SLC25A21: variants seen among roughly 807,000 people sequenced by gnomAD.
The protein encoded by SLC25A21 is solute carrier family 25 member 21.
Under a neutral mutation model 43.8 loss-of-function variants are expected in SLC25A21, and 47 were observed. The ratio of observed to expected loss-of-function variants is 1.07; its 90% confidence interval spans 0.85 to 1.37. The LOEUF is 1.37. Among genes scored for constraint, SLC25A21 ranks in the 40% most tolerant of loss-of-function variants. The pLI, the probability that SLC25A21 is intolerant of heterozygous loss-of-function variation, is 0.00. For synonymous variants in SLC25A21, 131 were observed against 121.3 expected (o/e 1.08, Z -0.52); for missense variants, 352 against 350.2 (o/e 1.00, Z -0.04).
Position 37,080,190 on chromosome 14 carries a change from T to C in SLC25A21, c.70+92091A>G, listed in dbSNP as rs74978147. The stretch of plus-strand genomic sequence containing the variant: ...ATATCTTTCTTTACTCTAAGTAAGA[T>C]CAAGGCCCTGGCAATGCTCAAAGAA... On this transcript the variant is annotated intron_variant, in intron 1 of 9. Coordinates refer to ENST00000331299, the MANE Select transcript of SLC25A21 (RefSeq NM_030631.4). Among the ~76,000 whole-genome samples, 543 of 152,298 alleles carry C rather than the reference T, an allele frequency of 3.6e-3. 3 individuals are homozygous for C. The highest frequency in any genetic ancestry group is 0.012 in the African/African-American group (502 of 41,570).
At chr14:36,857,234 C>A (rs1889926121) in intron 2 of SLC25A21, among the ~76,000 whole-genome samples, 1 of 152,216 alleles carries the variant, frequency 6.6e-6, no homozygotes, top group Non-Finnish European at 1.5e-5. Context: ...AATGGGAAGA[C>A]CCCTCTGGAG....
At chr14:36,873,544 C>T (rs9322967) in intron 2 of SLC25A21, among the ~76,000 whole-genome samples, 66,854 of 151,934 alleles carry the variant, frequency 0.44, 16,070 homozygotes, top group Non-Finnish European at 0.52. Flanking sequence ...GATCCACCTC[C>T]CTCTGCCTCC....
At chr14:36,820,758 A>T (rs1888596034) in intron 2 of SLC25A21, among the ~76,000 whole-genome samples, 1 of 152,198 alleles carries the variant, frequency 6.6e-6, no homozygotes, top group African/African-American at 2.4e-5. Flanking sequence ...GGAGACTGCT[A>T]GAAAAAGTTG....
intron 1 of SLC25A21, among the ~76,000 whole-genome samples, chr14:37,027,959 A>G (rs978215936): frequency 3.3e-5 from 5 of 152,230 alleles, no homozygotes; most frequent in Admixed American, 2.0e-4. Flanking sequence ...AATTGATTCA[A>G]TCTTCCAAGA....
At chr14:36,801,866 G>C (rs1887880860) in intron 3 of SLC25A21, among the ~76,000 whole-genome samples, 1 of 152,148 alleles carries the variant, frequency 6.6e-6, no homozygotes, top group South Asian at 2.1e-4. Context: ...AGTGAAGACA[G>C]AACACATTCA....
chr14:36,771,914 C>T (rs1291294256), intron 3 of SLC25A21, among the ~76,000 whole-genome samples: 1 of 152,198 alleles, frequency 6.6e-6, no homozygotes, highest in African/African-American at 2.4e-5. Context: ...TGTACACAGA[C>T]TCTGGTGTCT....
intron 1 of SLC25A21, among the ~76,000 whole-genome samples, chr14:37,087,116 A>C (rs1324258927): frequency 6.6e-6 from 1 of 152,172 alleles, no homozygotes; most frequent in Non-Finnish European, 1.5e-5. Flanking sequence ...ATCTTTCTTC[A>C]TTAAACAGTT....
intron 1 of SLC25A21, among the ~76,000 whole-genome samples, chr14:37,108,592 T>G (rs1160787658): frequency 1.3e-5 from 2 of 152,116 alleles, no homozygotes; most frequent in Non-Finnish European, 2.9e-5. Flanking sequence ...AGAAAAGCTA[T>G]AGATTCACTT....
chr14:37,114,830 G>A (rs1963079352), intron 1 of SLC25A21, among the ~76,000 whole-genome samples: 1 of 151,512 alleles, frequency 6.6e-6, no homozygotes, highest in African/African-American at 2.4e-5. Context: ...TTTCATTCTT[G>A]TTTTTCAAAA....
intron 1 of SLC25A21, among the ~76,000 whole-genome samples, chr14:36,985,739 CCTT>C: frequency 6.6e-6 from 1 of 152,270 alleles, no homozygotes; most frequent in Admixed American, 6.5e-5. Context: ...TTGTATCACT[CCTT>C]CTACATTTAA....
At chr14:36,688,584 C>T (rs556428731) in intron 7 of SLC25A21, among the ~76,000 whole-genome samples, 9 of 152,326 alleles carry the variant, frequency 5.9e-5, no homozygotes, top group East Asian at 1.9e-4. Flanking sequence ...CTGCCGCCTT[C>T]GGTCCTACCG....
intron 1 of SLC25A21, among the ~76,000 whole-genome samples, chr14:37,059,319 A>G (rs1961895090): frequency 6.6e-6 from 1 of 152,188 alleles, no homozygotes; most frequent in Admixed American, 6.5e-5. Flanking sequence ...AACCTGTCCA[A>G]GGTTACACTC....
At chr14:37,160,258 C>T (rs959538134) in intron 1 of SLC25A21, among the ~76,000 whole-genome samples, 3 of 152,210 alleles carry the variant, frequency 2.0e-5, no homozygotes, top group Admixed American at 1.3e-4. Flanking sequence ...AAAGTGATAG[C>T]TGCACTTGCA....
intron 1 of SLC25A21, among the ~76,000 whole-genome samples, chr14:37,147,064 G>A (rs1357799164): frequency 1.3e-5 from 2 of 152,080 alleles, no homozygotes; most frequent in African/African-American, 4.8e-5. Context: ...GCACAAGGAC[G>A]TACTAGGAAC....
At chr14:36,687,070 GCCTCCTGAGTA>G (rs560689562) in intron 7 of SLC25A21, among the ~76,000 whole-genome samples, 183 of 152,286 alleles carry the variant, frequency 1.2e-3, no homozygotes, top group Admixed American at 2.9e-3. Flanking sequence ...TCCTGCCTCA[GCCTCCTGAGTA>G]GCTGGGATTA....
chr14:36,938,666 C>G (rs1367030), intron 1 of SLC25A21, among the ~76,000 whole-genome samples: 92,408 of 151,766 alleles, frequency 0.61, 29,136 homozygotes, highest in Non-Finnish European at 0.66. Context: ...GTTCACATCT[C>G]GTTGTTTTAT....
At chr14:37,016,800 C>T (rs1032865639) in intron 1 of SLC25A21, among the ~76,000 whole-genome samples, 8 of 152,192 alleles carry the variant, frequency 5.3e-5, no homozygotes, top group Middle Eastern at 6.8e-3. Flanking sequence ...TACATTAACA[C>T]TGACTGTTTC....
At chr14:36,739,950 G>A (rs1425804432) in intron 3 of SLC25A21, among the ~76,000 whole-genome samples, 11 of 152,118 alleles carry the variant, frequency 7.2e-5, no homozygotes, top group South Asian at 4.2e-4. Context: ...AGACAAGAGG[G>A]AATGGTGTGC....
chr14:36,684,979 AG>A, intron 7 of SLC25A21, 54 bp from the exon 8 acceptor site: 1 of 1,439,004 alleles, frequency 6.9e-7, no homozygotes, highest in Non-Finnish European at 9.5e-7. Context: ...CCCCTAAATC[AG>A]TTAAACACTA....
Sources: gnomAD v4.1 joint callset for allele counts (sites outside exome capture counted in the v4.1 genomes callset) on GRCh38, gnomAD v4.1.1 for gene constraint, MANE v1.5 for transcripts, NCBI Gene and HGNC (gene_info 2026-07-23, HGNC 2026-07-21) for gene names.